The following LRP2 variants were observed in gnomAD, a reference collection of about 807,000 sequenced individuals.
LRP2 encodes the protein low-density lipoprotein receptor-related protein 2.
LRP2 carries 172 observed loss-of-function variants against 531.0 expected under a neutral mutation model. The ratio of observed to expected loss-of-function variants is 0.32; its 90% CI spans 0.29 to 0.37. The LOEUF (loss-of-function observed/expected upper bound fraction) is 0.37, where lower values mean the gene tolerates loss of function less well. Among genes scored for constraint, LRP2 ranks in the 10% least tolerant of loss-of-function variants. The pLI is 1.00. For synonymous variants in LRP2, 1,992 were observed against 2,027.6 expected (o/e 0.98, Z 0.47); for missense variants, 5,167 against 5,868.3 (o/e 0.88, Z 3.90).
At chr2:169,329,059 A>G (rs2105534747) in intron 1 of LRP2, among the ~76,000 whole-genome samples, 1 of 152,368 alleles carries the variant, frequency 6.6e-6, no homozygotes, top group Middle Eastern at 3.4e-3. Flanking sequence ...GCCTCTGACA[A>G]CAGACAATTT....
intron 10 of LRP2, among the ~76,000 whole-genome samples, chr2:169,281,544 C>T (rs537691917): frequency 1.6e-4 from 24 of 152,098 alleles, no homozygotes; most frequent in Admixed American, 6.5e-4. Flanking sequence ...CATGATGAAA[C>T]CCCGTCTCTA....
At chr2:169,296,994 C>A (rs1684149113) in intron 4 of LRP2, among the ~76,000 whole-genome samples, 1 of 152,182 alleles carries the variant, frequency 6.6e-6, no homozygotes, top group Admixed American at 6.5e-5. Flanking sequence ...CCCCTCTCAA[C>A]CCCTGCACAC....
chr2:169,328,375 C>G (rs1685173171), intron 1 of LRP2, among the ~76,000 whole-genome samples: 1 of 146,016 alleles, frequency 6.8e-6, no homozygotes, highest in Non-Finnish European at 1.5e-5. Context: ...AAGTGAGGAG[C>G]CCCTCTGCCC....
At chr2:169,347,588 GA>G (rs141749952) in intron 1 of LRP2, among the ~76,000 whole-genome samples, 10,125 of 141,468 alleles carry the variant, frequency 0.072, 443 homozygotes, top group Non-Finnish European at 0.11. Context: ...ATTATAGAGG[GA>G]AAAAAAAAAA....
At chr2:169,260,053 T>C (rs569465871) in intron 16 of LRP2, among the ~76,000 whole-genome samples, 1 of 152,244 alleles carries the variant, frequency 6.6e-6, no homozygotes, top group South Asian at 2.1e-4. Context: ...GTATTCTACA[T>C]GGATTCATCC....
At chr2:169,300,500 G>A (rs1684260983) in intron 4 of LRP2, among the ~76,000 whole-genome samples, 1 of 152,050 alleles carries the variant, frequency 6.6e-6, no homozygotes, top group Admixed American at 6.6e-5. Context: ...GAAAGAAACA[G>A]GACGAGGGTA....
At chr2:169,325,874 GT>G (rs1344131521) in intron 1 of LRP2, among the ~76,000 whole-genome samples, 1 of 151,814 alleles carries the variant, frequency 6.6e-6, no homozygotes, top group Non-Finnish European at 1.5e-5. Context: ...GAGCCCTGAT[GT>G]TTTCTTAGAG....
chr2:169,332,753 A>G (rs1685300552), intron 1 of LRP2, among the ~76,000 whole-genome samples: 1 of 152,242 alleles, frequency 6.6e-6, no homozygotes, highest in Non-Finnish European at 1.5e-5. Flanking sequence ...ACATGCACAT[A>G]CACATATATA....
intron 23 of LRP2, 107 bp downstream of exon 23, chr2:169,243,296 C>T (rs1689878548): frequency 7.4e-7 from 1 of 1,357,714 alleles, no homozygotes; most frequent in African/African-American, 1.5e-5. Flanking sequence ...AGCTCCCCAC[C>T]CCCCAACAGG....
intron 3 of LRP2, among the ~76,000 whole-genome samples, chr2:169,310,062 C>G (rs1016901380): frequency 6.6e-6 from 1 of 152,072 alleles, no homozygotes; most frequent in Non-Finnish European, 1.5e-5. Context: ...GTGATTTTTG[C>G]ACATTGATTT....
chr2:169,235,811 T>C, intron 29 of LRP2, 29 bp downstream of exon 29: 1 of 1,547,344 alleles, frequency 6.5e-7, no homozygotes, highest in Non-Finnish European at 8.9e-7. Context: ...ACTGTAGTTT[T>C]AATTTGGTTT....
intron 11 of LRP2, 35 bp from the exon 12 acceptor site, chr2:169,279,630 G>A (rs1344109811): frequency 7.6e-7 from 1 of 1,313,838 alleles, no homozygotes; most frequent in Non-Finnish European, 1.1e-6. Context: ...TATTTCTTCA[G>A]CATCACTAAC....
Position 169,207,121 on chromosome 2 carries a change from T to C in LRP2, c.6599A>G (p.Lys2200Arg). The change falls in exon 39 of 79, where the codon AAG (lysine) becomes AGG (arginine). Residue 2200 changes from lysine to arginine, a missense_variant. Lys to Arg is a conservative substitution (Grantham distance 26). Coordinates refer to ENST00000649046, the MANE Select transcript of LRP2 (RefSeq NM_004525.3). ...GTCAGCCCAGAAGAGGTATCTGTTC[T>C]TGGGATCTACAACAATATGCCTAGG... is the stretch of plus-strand genomic sequence containing the variant. ...DMPRHIVVDPKNRYLFWADYG... is the reference protein window; with the variant it reads ...DMPRHIVVDPRNRYLFWADYG... 1 of 1,612,318 alleles carries C rather than the reference T, an allele frequency of 6.2e-7. No homozygotes were observed. Among genetic ancestry groups the C allele is most frequent in the South Asian group, 1.1e-5 (1 of 90,820 alleles).
At chr2:169,325,353 T>C (rs754568752) in intron 1 of LRP2, among the ~76,000 whole-genome samples, 6 of 152,262 alleles carry the variant, frequency 3.9e-5, no homozygotes, top group Non-Finnish European at 5.9e-5. Context: ...CACATTTTAA[T>C]AGTTCCACCT....
At chr2:169,159,001 C>T (rs1331966049) in intron 63 of LRP2, among the ~76,000 whole-genome samples, 3 of 152,128 alleles carry the variant, frequency 2.0e-5, no homozygotes, top group Non-Finnish European at 4.4e-5. Flanking sequence ...TTGTCTCTAC[C>T]AATATCTATC....
intron 1 of LRP2, among the ~76,000 whole-genome samples, chr2:169,329,530 G>A (rs1434351341): frequency 1.3e-5 from 2 of 152,204 alleles, no homozygotes; most frequent in African/African-American, 2.4e-5. Context: ...AAGAGTGCCT[G>A]TCAAATGAGT....
At chr2:169,242,349 A>G (rs1689838056) in intron 24 of LRP2, among the ~76,000 whole-genome samples, 1 of 152,222 alleles carries the variant, frequency 6.6e-6, no homozygotes, top group Admixed American at 6.5e-5. Context: ...ATTATACTGT[A>G]TGAAGTCCTA....
chr2:169,291,023 C>T (rs954357868), intron 7 of LRP2, 26 bp from the exon 8 acceptor site: 2 of 1,612,350 alleles, frequency 1.2e-6, no homozygotes, highest in Non-Finnish European at 8.5e-7. Context: ...GAGAGAGTTA[C>T]AGGCCATAGG....
At chr2:169,245,156 A>G (rs1332948181) in intron 21 of LRP2, among the ~76,000 whole-genome samples, 2 of 152,204 alleles carry the variant, frequency 1.3e-5, no homozygotes, top group African/African-American at 2.4e-5. Context: ...ACCCACACAC[A>G]TCATATAAGT....
Sources: gnomAD v4.1 joint callset for allele counts (sites outside exome capture counted in the v4.1 genomes callset) on GRCh38, gnomAD v4.1.1 for gene constraint, MANE v1.5 for transcripts, NCBI Gene and HGNC (gene_info 2026-07-23, HGNC 2026-07-21) for gene names.